The following CNTN4 variants were observed in gnomAD, a reference collection of about 807,000 sequenced individuals.
CNTN4 encodes contactin-4.
CNTN4 carries 77 observed loss-of-function variants against 122.5 expected under a neutral mutation model. That is an observed-to-expected ratio of 0.63 (90% CI 0.52 to 0.76). CNTN4 has a LOEUF of 0.76. Ranked by LOEUF, CNTN4 falls within the 30% of genes least tolerant of loss-of-function variation. The pLI, the probability that CNTN4 is intolerant of heterozygous loss-of-function variation, is 0.00. For synonymous variants in CNTN4, 512 were observed against 447.0 expected (o/e 1.15, Z -1.83); for missense variants, 1,256 against 1,259.1 (o/e 1.00, Z 0.04).
At chr3:2,117,578 T>G (rs577853031) in intron 2 of CNTN4, among the ~76,000 whole-genome samples, 3 of 152,286 alleles carry the variant, frequency 2.0e-5, no homozygotes, top group South Asian at 2.1e-4. Flanking sequence ...TCTTGGTCTT[T>G]ATGGTGACCA....
At chr3:2,250,725 G>T (rs1404931033) in intron 2 of CNTN4, among the ~76,000 whole-genome samples, 1 of 151,854 alleles carries the variant, frequency 6.6e-6, no homozygotes. Flanking sequence ...ACTGCATTAT[G>T]CATATTTAAA....
intron 2 of CNTN4, among the ~76,000 whole-genome samples, chr3:2,331,909 G>T (rs1278645565): frequency 2.0e-5 from 3 of 152,172 alleles, no homozygotes; most frequent in Non-Finnish European, 4.4e-5. Context: ...GAGTTATCTT[G>T]TCTAGCCCAC....
intron 13 of CNTN4, among the ~76,000 whole-genome samples, chr3:2,959,389 G>A (rs9859081): frequency 2.0e-4 from 30 of 151,996 alleles, no homozygotes; most frequent in African/African-American, 7.2e-4. Flanking sequence ...ACACCTAATT[G>A]CATTTCAGTA....
rs56014308 is a variant in CNTN4, at chr3:2,287,711, G to GGAA, written c.-144-51402_-144-51400dup. ...AAGAAGAGGAAGAAGAAGAAGAAGA[G>GGAA]GAAGAAGAAGAAGAAGAAGAAGAAG... On this transcript the variant is annotated intron_variant, in intron 2 of 24. Transcript: ENST00000418658. Among the ~76,000 whole-genome samples, 298 of 65,416 alleles carry GGAA rather than the reference G, an allele frequency of 4.6e-3. 5 individuals are homozygous for GGAA. The highest frequency in any genetic ancestry group is 0.014 in the African/African-American group (233 of 16,378). 42.9% of individuals were successfully genotyped at this position (65,416 alleles called of 152,430 possible). A position where few individuals can be genotyped will look rare whatever the true frequency, so the allele number is the denominator to read the frequency against.
chr3:2,693,179 A>G (rs2085837435), intron 4 of CNTN4, among the ~76,000 whole-genome samples: 1 of 152,200 alleles, frequency 6.6e-6, no homozygotes, highest in African/African-American at 2.4e-5. Context: ...TTTGGTTTAC[A>G]GCTTTTTGTT....
chr3:3,024,562 A>T (rs1268811410), intron 14 of CNTN4, among the ~76,000 whole-genome samples: 2 of 152,024 alleles, frequency 1.3e-5, no homozygotes, highest in South Asian at 4.1e-4. Flanking sequence ...CATTTCATGG[A>T]CATCACTCAT....
At chr3:2,589,822 C>G (rs2080380506) in intron 4 of CNTN4, among the ~76,000 whole-genome samples, 1 of 152,186 alleles carries the variant, frequency 6.6e-6, no homozygotes, top group Non-Finnish European at 1.5e-5. Context: ...ATGGAGCTCC[C>G]TATGGCTGCT....
chr3:3,037,935 C>G (rs1490998901), intron 18 of CNTN4, among the ~76,000 whole-genome samples: 1 of 152,116 alleles, frequency 6.6e-6, no homozygotes. Flanking sequence ...CAGGGTCAGC[C>G]GTACTTTTAC....
intron 4 of CNTN4, among the ~76,000 whole-genome samples, chr3:2,682,536 A>G (rs1238267101): frequency 6.6e-6 from 1 of 152,152 alleles, no homozygotes; most frequent in African/African-American, 2.4e-5. Flanking sequence ...CCCCACTTCA[A>G]TGAGTAGTTA....
intron 4 of CNTN4, among the ~76,000 whole-genome samples, chr3:2,651,496 A>G (rs940209521): frequency 1.3e-5 from 2 of 152,064 alleles, no homozygotes; most frequent in Admixed American, 6.6e-5. Flanking sequence ...TCCTCTTAGC[A>G]TATAATCTGG....
chr3:2,125,894 G>GGTGTGTGTGTGTGTGTGTGT (rs61706367), intron 2 of CNTN4, among the ~76,000 whole-genome samples: 5 of 143,372 alleles, frequency 3.5e-5, no homozygotes, highest in African/African-American at 1.3e-4. Context: ...TTTTATTTCT[G>GGTGTGTGTGTGTGTGTGTGT]GTGTGTGTGT....
intron 4 of CNTN4, among the ~76,000 whole-genome samples, chr3:2,590,446 G>A (rs555227961): frequency 1.3e-5 from 2 of 151,664 alleles, no homozygotes; most frequent in South Asian, 2.1e-4. Flanking sequence ...GTGTAGAGAC[G>A]GGGTTTCACC....
chr3:2,646,321 T>C (rs2083117242), intron 4 of CNTN4, among the ~76,000 whole-genome samples: 1 of 152,224 alleles, frequency 6.6e-6, no homozygotes, highest in Admixed American at 6.5e-5. Context: ...CAGTGAATGT[T>C]TGTTAGTGGC....
chr3:2,804,721 C>T (rs371744499), intron 6 of CNTN4, among the ~76,000 whole-genome samples: 5 of 123,640 alleles, frequency 4.0e-5, no homozygotes, highest in African/African-American at 1.5e-4. Context: ...CCAACCACAC[C>T]CACATATTTT....
chr3:2,388,908 A>G, intron 3 of CNTN4, among the ~76,000 whole-genome samples: 1 of 147,496 alleles, frequency 6.8e-6, no homozygotes, highest in East Asian at 1.9e-4. Flanking sequence ...CTGTAATCCC[A>G]GCACTTTGGG....
chr3:2,632,264 G>A (rs973317698), intron 4 of CNTN4, among the ~76,000 whole-genome samples: 5 of 152,068 alleles, frequency 3.3e-5, no homozygotes, highest in Admixed American at 3.3e-4. Flanking sequence ...TCTAAAAACT[G>A]TGCATAGACA....
chr3:3,018,188 T>G (rs1322431406), intron 14 of CNTN4, among the ~76,000 whole-genome samples: 1 of 152,236 alleles, frequency 6.6e-6, no homozygotes, highest in Non-Finnish European at 1.5e-5. Flanking sequence ...AAGTAATGTC[T>G]TGCTCCTGAC....
intron 2 of CNTN4, among the ~76,000 whole-genome samples, chr3:2,311,702 G>T (rs2042922401): frequency 3.9e-5 from 6 of 152,132 alleles, no homozygotes; most frequent in Admixed American, 3.3e-4. Flanking sequence ...TCTACTGTCT[G>T]TATAGGTAGC....
chr3:2,972,417 A>C (rs763126336), intron 13 of CNTN4, among the ~76,000 whole-genome samples: 1 of 152,154 alleles, frequency 6.6e-6, no homozygotes. Flanking sequence ...ACAGTTCTGC[A>C]TGACTTGATC....
Sources: gnomAD v4.1 joint callset for allele counts (sites outside exome capture counted in the v4.1 genomes callset) on GRCh38, gnomAD v4.1.1 for gene constraint, MANE v1.5 for transcripts, NCBI Gene and HGNC (gene_info 2026-07-23, HGNC 2026-07-21) for gene names.